The following MYO5A variants were observed in gnomAD, a reference collection of about 807,000 sequenced individuals.
MYO5A encodes unconventional myosin-Va.
A neutral mutation model predicts 249.7 loss-of-function variants in MYO5A; 98 were observed. The ratio of observed to expected loss-of-function variants is 0.39; its 90% CI spans 0.33 to 0.46. The LOEUF is 0.46. MYO5A is among the 20% of genes least tolerant of loss of function. The pLI is 0.98. For missense variants in MYO5A, 1,696 were observed against 2,308.8 expected, an observed-to-expected ratio of 0.73 and a Z score of 5.44; for synonymous variants, 778 against 810.6, an observed-to-expected ratio of 0.96 and a Z score of 0.68.
chr15:52,346,426 A>G lies in MYO5A; in HGVS notation c.3894T>C (p.Asp1298=). Residue 1298 remains aspartate (D), a synonymous_variant, in exon 30 of 42, where the codon GAT becomes GAC. Transcript: ENST00000399233. ...CACCTTTATCTTTCATTTTTTGTACATCTTCCAAAAGTATTGTGGAATCTG... is the reference window on the plus strand; with the variant it reads ...CACCTTTATCTTTCATTTTTTGTACGTCTTCCAAAAGTATTGTGGAATCTG... ...TMTDSTILLE[D]VQKMKDKGEI... is the part of the protein sequence containing the mutation. 1 of 1,607,346 alleles carries G rather than the reference A, an allele frequency of 6.2e-7. No individual in the cohort carries two copies.
intron 1 of MYO5A, among the ~76,000 whole-genome samples, chr15:52,518,076 T>C (rs961471609): frequency 5.3e-5 from 8 of 152,164 alleles, no homozygotes; most frequent in Non-Finnish European, 1.2e-4. Context: ...AGGCTTATCA[T>C]CTAGTTTAGC....
chr15:52,319,762 T>C (rs187604693), intron 38 of MYO5A, among the ~76,000 whole-genome samples: 2 of 152,138 alleles, frequency 1.3e-5, no homozygotes, highest in Admixed American at 6.5e-5. Flanking sequence ...GGTGCCAAAA[T>C]AGAGGGAAAA....
Position 52,330,038 on chromosome 15 carries a change from G to C in MYO5A, c.4555+315C>G, listed in dbSNP as rs2038813809. On this transcript the variant is annotated intron_variant, in intron 35 of 41. Transcript: ENST00000399233. Reference sequence around the variant, plus strand: ...ACATTGCCAGGCTCTTCTCTCTAGAGATTTTGATTTAACTGGGCAAGAGGG... The same window carrying C: ...ACATTGCCAGGCTCTTCTCTCTAGACATTTTGATTTAACTGGGCAAGAGGG... 2.0e-5 allele frequency among the ~76,000 whole-genome samples: 3 copies of C among 148,540 alleles called. No homozygotes were observed. In the South Asian group the frequency reaches 6.4e-4, roughly 32 times the overall value.
chr15:52,383,037 T>C, intron 16 of MYO5A, 54 bp downstream of exon 16: 1 of 1,431,516 alleles, frequency 7.0e-7, no homozygotes, highest in East Asian at 2.3e-5. Flanking sequence ...TTGGCTGGTT[T>C]GGCACTTCTT....
intron 31 of MYO5A, among the ~76,000 whole-genome samples, chr15:52,341,519 ACT>A (rs1282220639): frequency 1.3e-5 from 2 of 152,158 alleles, no homozygotes; most frequent in Admixed American, 6.5e-5. Context: ...TTCTACAGTC[ACT>A]CTCTTCCAAA....
At position 52,317,536 on chromosome 15, in the gene MYO5A, T is replaced by C. The variant is rs1028515960; in HGVS notation, c.5235-314A>G. Among the ~76,000 whole-genome samples the C allele has an allele frequency of 7.9e-5, 12 of 152,350 alleles. 3 individuals are homozygous for C. The highest frequency in any genetic ancestry group is 1.9e-4 in the East Asian group (1 of 5,192). Reference sequence around the variant, plus strand: ...ATAACATAATGTAGCTCTGTCTTTATTGGGGAGCTGGCCAGAAAACACTTT... The same window carrying C: ...ATAACATAATGTAGCTCTGTCTTTACTGGGGAGCTGGCCAGAAAACACTTT... On this transcript the variant is annotated intron_variant, in intron 39 of 41. Coordinates refer to ENST00000399233, the MANE Select transcript of MYO5A (RefSeq NM_001382347.1).
At chr15:52,463,631 A>C (rs2076296854) in intron 1 of MYO5A, among the ~76,000 whole-genome samples, 1 of 152,246 alleles carries the variant, frequency 6.6e-6, no homozygotes, top group Non-Finnish European at 1.5e-5. Context: ...CCTAAAAGCT[A>C]CTGGAAACAT....
chr15:52,333,685 G>A (rs1294518032), intron 34 of MYO5A, among the ~76,000 whole-genome samples: 1 of 152,124 alleles, frequency 6.6e-6, no homozygotes, highest in Non-Finnish European at 1.5e-5. Flanking sequence ...AATTATATAT[G>A]CTAGCATTTT....
intron 25 of MYO5A, among the ~76,000 whole-genome samples, chr15:52,356,038 A>G (rs2040202561): frequency 6.6e-6 from 1 of 152,206 alleles, no homozygotes; most frequent in African/African-American, 2.4e-5. Flanking sequence ...GGATGCCATA[A>G]TTGTTTTAAC....
intron 1 of MYO5A, among the ~76,000 whole-genome samples, chr15:52,454,641 A>G (rs941126000): frequency 4.6e-5 from 7 of 152,150 alleles, no homozygotes; most frequent in Non-Finnish European, 1.0e-4. Context: ...AAAAGGAGAA[A>G]CCAAGTATCT....
intron 1 of MYO5A, among the ~76,000 whole-genome samples, chr15:52,435,174 A>C (rs190645640): frequency 4.5e-4 from 69 of 152,234 alleles, no homozygotes; most frequent in African/African-American, 1.7e-3. Context: ...TGGGTGAACG[A>C]AAGTACAGGT....
intron 16 of MYO5A, among the ~76,000 whole-genome samples, chr15:52,382,397 C>T (rs543780559): frequency 1.3e-5 from 2 of 152,142 alleles, no homozygotes; most frequent in African/African-American, 4.8e-5. Flanking sequence ...GATGATGAAA[C>T]CCTGTCTCTA....
chr15:52,358,824 ATT>A (rs2040374714), intron 25 of MYO5A, among the ~76,000 whole-genome samples: 1 of 152,196 alleles, frequency 6.6e-6, no homozygotes, highest in South Asian at 2.1e-4. Flanking sequence ...GAGATCATTT[ATT>A]ACATAGCAAT....
At chr15:52,433,088 C>A in intron 2 of MYO5A, 87 bp downstream of exon 2, 1 of 1,005,082 alleles carries the variant, frequency 9.9e-7, no homozygotes. Flanking sequence ...AATTTAACTT[C>A]CATTGGGAGT....
Position 52,313,589 on chromosome 15 carries a change from T to C in MYO5A, c.*107A>G, listed in dbSNP as rs2037852724. On this transcript the variant is annotated 3_prime_UTR_variant, in exon 42 of 42. Transcript: ENST00000399233. The stretch of plus-strand genomic sequence containing the variant: ...AGTTAATGACTTCTCATTTGGGAGA[T>C]AATCAGTACTTTCTCTTTAAAAATG... The C allele has an allele frequency of 7.4e-7, 1 of 1,352,446 alleles. No homozygotes were observed. Among genetic ancestry groups the C allele is most frequent in the South Asian group, 1.2e-5 (1 of 82,180 alleles). 83.8% of individuals were successfully genotyped at this position (1,352,446 alleles called of 1,614,324 possible).
intron 1 of MYO5A, among the ~76,000 whole-genome samples, chr15:52,461,964 C>CA (rs548304865): frequency 0.066 from 9,194 of 139,384 alleles, 850 homozygotes; most frequent in African/African-American, 0.22. Flanking sequence ...GACTCCATCT[C>CA]AAAAAAAAAA....
At chr15:52,411,651 C>A (rs1180760108) in intron 5 of MYO5A, among the ~76,000 whole-genome samples, 1 of 151,956 alleles carries the variant, frequency 6.6e-6, no homozygotes, top group Non-Finnish European at 1.5e-5. Context: ...AAGCCTATGT[C>A]AGGATTAGTA....
chr15:52,456,014 C>T (rs951572603), intron 1 of MYO5A, among the ~76,000 whole-genome samples: 3 of 151,920 alleles, frequency 2.0e-5, no homozygotes, highest in Non-Finnish European at 4.4e-5. Context: ...AGGAAGAAGT[C>T]AAATTACCCT....
chr15:52,374,108 G>GA (rs2041276194), intron 20 of MYO5A, among the ~76,000 whole-genome samples: 1 of 152,024 alleles, frequency 6.6e-6, no homozygotes, highest in African/African-American at 2.4e-5. Flanking sequence ...TCACTGATTT[G>GA]AAATATAGCC....
Sources: gnomAD v4.1 joint callset for allele counts (sites outside exome capture counted in the v4.1 genomes callset) on GRCh38, gnomAD v4.1.1 for gene constraint, MANE v1.5 for transcripts, NCBI Gene and HGNC (gene_info 2026-07-23, HGNC 2026-07-21) for gene names.